The following SUGCT variants were observed in gnomAD, a reference collection of about 807,000 sequenced individuals.
SUGCT encodes succinyl-CoA:glutarate CoA-transferase.
Under a neutral mutation model 55.0 loss-of-function variants are expected in SUGCT, and 41 were observed. The ratio of observed to expected loss-of-function variants is 0.74; its 90% CI spans 0.58 to 0.97. The LOEUF (loss-of-function observed/expected upper bound fraction) is 0.97, where lower values mean the gene tolerates loss of function less well. Among genes scored for constraint, SUGCT ranks in the 50% least tolerant of loss-of-function variants. SUGCT has a pLI of 0.00. For synonymous variants in SUGCT, 187 were observed against 200.4 expected, an observed-to-expected ratio of 0.93 and a Z score of 0.56; for missense variants, 568 against 547.8, an observed-to-expected ratio of 1.04 and a Z score of -0.37.
At chr7:40,710,793 AT>A in intron 12 of SUGCT, among the ~76,000 whole-genome samples, 1 of 152,236 alleles carries the variant, frequency 6.6e-6, no homozygotes, top group African/African-American at 2.4e-5. Context: ...TGGTTAATTT[AT>A]TTTTTCCCAT....
At chr7:40,507,410 TA>T (rs1481056964) in intron 12 of SUGCT, among the ~76,000 whole-genome samples, 2 of 152,198 alleles carry the variant, frequency 1.3e-5, no homozygotes, top group African/African-American at 4.8e-5. Flanking sequence ...AGGTTGTTCT[TA>T]GCCAGTTATA....
chr7:40,831,519 A>G (rs1464006418), intron 13 of SUGCT, among the ~76,000 whole-genome samples: 2 of 152,340 alleles, frequency 1.3e-5, no homozygotes, highest in South Asian at 2.1e-4. Flanking sequence ...CGAAACTTCA[A>G]ACACATTTCC....
intron 13 of SUGCT, among the ~76,000 whole-genome samples, chr7:40,851,606 T>G (rs1793856473): frequency 6.6e-6 from 1 of 152,188 alleles, no homozygotes; most frequent in Admixed American, 6.5e-5. Flanking sequence ...TACACCGCTC[T>G]AGAACCATCC....
At chr7:41,038,579 G>A in the SUGCT span, among the ~76,000 whole-genome samples, 2 of 152,182 alleles carry the variant, frequency 1.3e-5, no homozygotes, top group African/African-American at 4.8e-5. Flanking sequence ...AGACAGGAAA[G>A]GAAGGTGAGT....
intron 1 of SUGCT, among the ~76,000 whole-genome samples, chr7:40,164,054 A>G (rs1238778347): frequency 6.6e-6 from 1 of 151,702 alleles, no homozygotes; most frequent in Non-Finnish European, 1.5e-5. Flanking sequence ...TCCTGGCCTC[A>G]GGCGATCTGT....
chr7:40,499,112 T>C, intron 12 of SUGCT: 1 of 456,708 alleles, frequency 2.2e-6, no homozygotes. Flanking sequence ...AACGCACCAC[T>C]GGCGCGTGTG....
rs1374502432 is a variant in SUGCT at position 40,184,800 on chromosome 7, A to G, written c.226+2772A>G. Among the ~76,000 whole-genome samples the G allele has an allele frequency of 5.3e-5, 8 of 152,350 alleles. 1 individual carries two copies. The East Asian group carries it at 1.3e-3, about 26-fold the overall frequency. ...TTACAAGAGAATGATTTATAATTAC[A>G]TCAACTTAGTAATTGACCATAAGTG... On this transcript the variant is annotated intron_variant, in intron 3 of 13. Coordinates refer to ENST00000335693, the MANE Select transcript of SUGCT (RefSeq NM_001193313.2).
At chr7:40,284,093 G>C (rs562039167) in intron 8 of SUGCT, among the ~76,000 whole-genome samples, 1 of 149,872 alleles carries the variant, frequency 6.7e-6, no homozygotes, top group South Asian at 2.2e-4. Context: ...ATCTGAAAAA[G>C]TTGAACTCAT....
chr7:40,763,288 T>C (rs1465349045), intron 13 of SUGCT, among the ~76,000 whole-genome samples: 1 of 152,132 alleles, frequency 6.6e-6, no homozygotes, highest in Non-Finnish European at 1.5e-5. Flanking sequence ...ACATGGACTC[T>C]CGGGGTGTGG....
chr7:40,169,933 G>C (rs1308281730), intron 1 of SUGCT, among the ~76,000 whole-genome samples: 2 of 152,142 alleles, frequency 1.3e-5, no homozygotes, highest in Admixed American at 1.3e-4. Context: ...ACCTTCAATA[G>C]AGTCAGGTGA....
chr7:40,989,211 C>A, the SUGCT span, among the ~76,000 whole-genome samples: 1 of 152,144 alleles, frequency 6.6e-6, no homozygotes, highest in Non-Finnish European at 1.5e-5. Context: ...TTGACTTTTC[C>A]TGTCACAAAA....
chr7:40,700,273 C>T (rs1785119726), intron 12 of SUGCT, among the ~76,000 whole-genome samples: 1 of 152,128 alleles, frequency 6.6e-6, no homozygotes, highest in Admixed American at 6.5e-5. Context: ...CATCTCCAGT[C>T]CCATCTTAGG....
At chr7:40,833,015 G>T (rs145567396) in intron 13 of SUGCT, among the ~76,000 whole-genome samples, 1 of 151,612 alleles carries the variant, frequency 6.6e-6, no homozygotes, top group Non-Finnish European at 1.5e-5. Flanking sequence ...CCATCCCCTC[G>T]GTCCATAGAC....
At chr7:40,988,423 A>AT in the SUGCT span, among the ~76,000 whole-genome samples, 34 of 149,046 alleles carry the variant, frequency 2.3e-4, 1 homozygote, top group East Asian at 5.9e-3. Flanking sequence ...TCTGGGGTCC[A>AT]TTTTTTTTTA....
At chr7:40,249,344 T>TATATATAAAA (rs1172651937) in intron 7 of SUGCT, among the ~76,000 whole-genome samples, 12 of 128,126 alleles carry the variant, frequency 9.4e-5, no homozygotes, top group African/African-American at 2.0e-4. Context: ...TATATATATA[T>TATATATAAAA]ATAATTATAT....
chr7:40,213,491 A>G (rs1370101031), intron 6 of SUGCT, among the ~76,000 whole-genome samples: 1 of 152,142 alleles, frequency 6.6e-6, no homozygotes, highest in Non-Finnish European at 1.5e-5. Context: ...ATCACTGATG[A>G]CGTTAACTTT....
chr7:40,476,335 TG>T (rs1790672554), intron 11 of SUGCT, among the ~76,000 whole-genome samples: 1 of 152,144 alleles, frequency 6.6e-6, no homozygotes, highest in South Asian at 2.1e-4. Flanking sequence ...TTACAGTTAG[TG>T]GAGCACCACA....
intron 8 of SUGCT, among the ~76,000 whole-genome samples, chr7:40,294,727 A>G (rs1021754076): frequency 6.6e-6 from 1 of 151,912 alleles, no homozygotes; most frequent in Non-Finnish European, 1.5e-5. Flanking sequence ...TTGTACTTTT[A>G]GTAGAGATGG....
chr7:40,429,816 A>T (rs534677257), intron 9 of SUGCT, among the ~76,000 whole-genome samples: 1 of 152,200 alleles, frequency 6.6e-6, no homozygotes, highest in Non-Finnish European at 1.5e-5. Flanking sequence ...AATCAAGTTG[A>T]CACTTAATAT....
Sources: allele counts gnomAD v4.1 joint callset (sites outside exome capture counted in the v4.1 genomes callset), GRCh38; gene constraint gnomAD v4.1.1; transcripts MANE v1.5; gene names NCBI Gene and HGNC (gene_info 2026-07-23, HGNC 2026-07-21).